FCF1: variants seen among roughly 807,000 people sequenced by gnomAD.
FCF1 encodes rRNA-processing protein FCF1 homolog.
Under a neutral mutation model 32.5 loss-of-function variants are expected in FCF1, and 17 were observed. The observed-to-expected ratio is 0.52, with a 90% confidence interval of 0.36 to 0.78. FCF1 has a LOEUF of 0.78. FCF1 is among the 30% of genes least tolerant of loss of function. FCF1 has a pLI of 0.00. For missense variants in FCF1, 201 were observed against 241.1 expected, an observed-to-expected ratio of 0.83 and a Z score of 1.10; for synonymous variants, 84 against 78.4, an observed-to-expected ratio of 1.07 and a Z score of -0.38.
chr14:74,720,644 A>G (rs2090488441), intron 4 of FCF1, among the ~76,000 whole-genome samples: 1 of 152,092 alleles, frequency 6.6e-6, no homozygotes, highest in Non-Finnish European at 1.5e-5. Context: ...GTATATATAA[A>G]TGGGCCTCAT....
chr14:74,715,774 T>C lies in FCF1; in HGVS notation c.144-177T>C, dbSNP rs1202150072. 2.1e-6 allele frequency: 3 copies of C among 1,425,550 alleles called. No individual in the cohort carries two copies. The South Asian group carries it at 3.8e-5, about 18-fold the overall frequency. 88.3% of individuals were successfully genotyped at this position (1,425,550 alleles called of 1,614,324 possible). On this transcript the variant is annotated intron_variant, in intron 3 of 7. Coordinates refer to ENST00000341162, the MANE Select transcript of FCF1 (RefSeq NM_015962.5). ...TGGTGACAAAGGTTGCCAGGGGAGC[T>C]GAGATTAAGATAATGATATTACTTT...
intron 4 of FCF1, among the ~76,000 whole-genome samples, chr14:74,721,974 C>T (rs1273427175): frequency 6.6e-6 from 1 of 150,936 alleles, no homozygotes; most frequent in Non-Finnish European, 1.5e-5. Flanking sequence ...AATTTGCCCT[C>T]AAATAGTTGT....
chr14:74,717,275 GA>G (rs2090433970), intron 4 of FCF1, among the ~76,000 whole-genome samples: 1 of 152,212 alleles, frequency 6.6e-6, no homozygotes, highest in East Asian at 1.9e-4. Context: ...AGAATCGCTG[GA>G]ACCTGGGAGG....
intron 3 of FCF1, 148 bp from the exon 4 acceptor site, chr14:74,715,803 C>A (rs752116161): frequency 2.6e-6 from 4 of 1,566,592 alleles, no homozygotes; most frequent in Non-Finnish European, 3.5e-6. Context: ...TTACTTTCTT[C>A]CTTGCCTTCC....
intron 7 of FCF1, 74 bp downstream of exon 7, chr14:74,734,244 G>C: frequency 1.2e-6 from 1 of 824,616 alleles, no homozygotes; most frequent in Middle Eastern, 3.7e-4. Context: ...TAAGTGATAA[G>C]GTTATAAAGG....
At chr14:74,725,682 C>T (rs946270626) in intron 5 of FCF1, among the ~76,000 whole-genome samples, 6 of 151,910 alleles carry the variant, frequency 3.9e-5, no homozygotes, top group African/African-American at 1.5e-4. Context: ...CGCCTGTAAT[C>T]CCAGCACTTT....
intron 1 of FCF1, 109 bp downstream of exon 1, chr14:74,713,309 A>T (rs755051038): frequency 1.2e-6 from 2 of 1,610,094 alleles, no homozygotes; most frequent in Admixed American, 1.7e-5. Flanking sequence ...GCATATTTTC[A>T]TTCTGGTCTT....
At chr14:74,713,411 A>T in intron 1 of FCF1, 74 bp from the exon 2 acceptor site, 2 of 1,553,654 alleles carry the variant, frequency 1.3e-6, no homozygotes, top group South Asian at 2.3e-5. Context: ...AAGGCAATAG[A>T]CAAGAGAAAA....
chr14:74,718,857 T>A (rs549889376), intron 4 of FCF1, among the ~76,000 whole-genome samples: 2 of 151,988 alleles, frequency 1.3e-5, no homozygotes, highest in South Asian at 4.2e-4. Flanking sequence ...TGTCTACACA[T>A]AATTTAAAAA....
intron 4 of FCF1, among the ~76,000 whole-genome samples, chr14:74,720,548 T>A (rs1446965852): frequency 1.3e-5 from 2 of 152,260 alleles, no homozygotes; most frequent in Non-Finnish European, 2.9e-5. Context: ...CTAAATAATA[T>A]TCCACTGTAT....
intron 5 of FCF1, 115 bp downstream of exon 5, chr14:74,723,459 A>AT: frequency 1.4e-6 from 1 of 725,306 alleles, no homozygotes; most frequent in Non-Finnish European, 2.2e-6. Context: ...ACTATTTATC[A>AT]TTTTTGGGGG....
intron 5 of FCF1, among the ~76,000 whole-genome samples, chr14:74,728,301 C>T (rs969882275): frequency 3.3e-5 from 5 of 152,110 alleles, no homozygotes; most frequent in Non-Finnish European, 5.9e-5. Context: ...TTGTAATTCT[C>T]CTTGAAGAGG....
intron 6 of FCF1, among the ~76,000 whole-genome samples, chr14:74,733,267 A>G (rs1028626317): frequency 2.0e-5 from 3 of 152,212 alleles, no homozygotes; most frequent in Admixed American, 6.5e-5. Flanking sequence ...TGTTTCACAC[A>G]TACCCTAGAA....
Position 74,723,262 on chromosome 14 carries a change from T to C in FCF1, c.293-10T>C. 1.9e-6 allele frequency: 3 copies of C among 1,608,994 alleles called. No homozygotes were observed. Among genetic ancestry groups the C allele is most frequent in the Non-Finnish European group, 2.6e-6 (3 of 1,175,618 alleles). On this transcript the variant is annotated splice_polypyrimidine_tract_variant and intron_variant, in intron 4 of 7. Transcript: ENST00000341162. ...GTTCTGTTCTTAATGTGAATTTTTT[T>C]CCCTGGCAGGTATCCCATGTATAAC...
intron 6 of FCF1, 39 bp from the exon 7 acceptor site, chr14:74,734,037 A>G (rs909884295): frequency 8.8e-6 from 12 of 1,366,564 alleles, no homozygotes; most frequent in Non-Finnish European, 1.2e-5. Context: ...AAGCGTGCTC[A>G]GTGACCTCAG....
At chr14:74,729,734 G>A (rs2140036526) in intron 5 of FCF1, among the ~76,000 whole-genome samples, 1 of 151,916 alleles carries the variant, frequency 6.6e-6, no homozygotes, top group East Asian at 1.9e-4. Flanking sequence ...TCTCTTGTGG[G>A]CATTTAGTGC....
At chr14:74,728,622 G>C (rs972454220) in intron 5 of FCF1, among the ~76,000 whole-genome samples, 15 of 152,012 alleles carry the variant, frequency 9.9e-5, no homozygotes, top group African/African-American at 3.1e-4. Context: ...GCCCTGGCCA[G>C]AACTTCCAAC....
chr14:74,730,484 C>T (rs993655086), intron 5 of FCF1, among the ~76,000 whole-genome samples: 2 of 152,086 alleles, frequency 1.3e-5, no homozygotes, highest in African/African-American at 2.4e-5. Flanking sequence ...AAGGCTGTGG[C>T]GGGCAGATCA....
rs2090713214 is a variant in FCF1, at chr14:74,736,921, T to A, written c.*1991T>A. 1.3e-5 allele frequency: 2 copies of A among 152,122 alleles called. No homozygotes were observed. The highest frequency in any genetic ancestry group is 4.8e-5 in the African/African-American group (2 of 41,394). The allele number at this position is 152,122 out of a possible 1,614,324, so 9.4% of individuals were successfully genotyped here. ...GGGTAAAAGTTTCAGAGGCATGTCATGGGCACATAAAGGTGGAATGATTTT... is the reference window on the plus strand; with the variant it reads ...GGGTAAAAGTTTCAGAGGCATGTCAAGGGCACATAAAGGTGGAATGATTTT... On this transcript the variant is annotated 3_prime_UTR_variant, in exon 8 of 8. Transcript: ENST00000341162.
Sources: allele counts gnomAD v4.1 joint callset (sites outside exome capture counted in the v4.1 genomes callset), GRCh38; gene constraint gnomAD v4.1.1; transcripts MANE v1.5; gene names NCBI Gene and HGNC (gene_info 2026-07-23, HGNC 2026-07-21).